Variants in CD109 observed in about 807,000 individuals in gnomAD.
CD109 encodes the protein CD109 molecule, also known as CD109 antigen.
In CD109, 149 loss-of-function variants were observed where a neutral mutation model predicts 165.8. The ratio of observed to expected loss-of-function variants is 0.90; its 90% CI spans 0.79 to 1.03. The LOEUF (loss-of-function observed/expected upper bound fraction) is 1.03, where lower values mean the gene tolerates loss of function less well. CD109 is among the 50% of genes least tolerant of loss of function. The probability of loss-of-function intolerance (pLI) is 0.00; values close to 1 mark genes in which losing one functional copy is unlikely to be tolerated. For missense variants in CD109, 1,712 were observed against 1,677.8 expected (o/e 1.02, Z -0.36); for synonymous variants, 585 against 592.1 (o/e 0.99, Z 0.18).
Position 73,781,252 on chromosome 6 carries a change from T to C in CD109, c.1903-7T>C. On this transcript the variant is annotated splice_polypyrimidine_tract_variant and splice_region_variant and intron_variant, in intron 16 of 32. Transcript: ENST00000287097. ...TTTTAAAAGAAAATAAAAATTATTC[T>C]TTTTAGGAATGTGGACTCTGGGTAT... is the stretch of plus-strand genomic sequence containing the variant. 1 of 1,608,674 alleles carries C rather than the reference T, an allele frequency of 6.2e-7. No homozygotes were observed.
At chr6:73,708,003 TA>T (rs1771360622) in intron 2 of CD109, among the ~76,000 whole-genome samples, 8 of 121,036 alleles carry the variant, frequency 6.6e-5, no homozygotes, top group African/African-American at 2.1e-4. Context: ...TATATATATA[TA>T]TATATTTATT....
chr6:73,817,772 G>A (rs1210985017), intron 30 of CD109, among the ~76,000 whole-genome samples: 1 of 152,114 alleles, frequency 6.6e-6, no homozygotes, highest in Non-Finnish European at 1.5e-5. Flanking sequence ...ACAACAGGGC[G>A]AGAGAAGGAT....
chr6:73,747,163 T>C (rs1490892772), intron 5 of CD109, among the ~76,000 whole-genome samples: 1 of 152,268 alleles, frequency 6.6e-6, no homozygotes, highest in African/African-American at 2.4e-5. Flanking sequence ...ACTTGCAGTG[T>C]TGACAGTCTC....
chr6:73,805,228 ATTC>A (rs751037830), intron 24 of CD109, among the ~76,000 whole-genome samples: 1 of 152,206 alleles, frequency 6.6e-6, no homozygotes, highest in African/African-American at 2.4e-5. Flanking sequence ...ACTAAGAAAA[ATTC>A]TTCTGCCTTG....
At chr6:73,736,091 A>G (rs779439287) in intron 4 of CD109, among the ~76,000 whole-genome samples, 6 of 152,204 alleles carry the variant, frequency 3.9e-5, no homozygotes, top group Admixed American at 6.5e-5. Flanking sequence ...TTAGAAATAT[A>G]GAGCCTACGT....
chr6:73,741,214 G>A (rs762328553), intron 5 of CD109, among the ~76,000 whole-genome samples: 1 of 151,556 alleles, frequency 6.6e-6, no homozygotes, highest in Non-Finnish European at 1.5e-5. Flanking sequence ...GGCTCTTTTT[G>A]TGCTACTTAT....
At chr6:73,764,578 G>C (rs1229007870) in intron 10 of CD109, among the ~76,000 whole-genome samples, 2 of 152,204 alleles carry the variant, frequency 1.3e-5, no homozygotes, top group Non-Finnish European at 2.9e-5. Flanking sequence ...ACTTTGGGAG[G>C]CCGAGGCAGG....
At chr6:73,695,937 G>T, upstream of CD109, 1 of 437,248 alleles carries the variant, frequency 2.3e-6, no homozygotes, top group Non-Finnish European at 4.1e-6. Flanking sequence ...CGCCGGGCCA[G>T]GTGGGGCCGC....
At chr6:73,754,691 A>G (rs1291222627) in intron 5 of CD109, among the ~76,000 whole-genome samples, 1 of 152,344 alleles carries the variant, frequency 6.6e-6, no homozygotes, top group South Asian at 2.1e-4. Flanking sequence ...ACTAGGTGCT[A>G]TAACAGGTTG....
At chr6:73,738,034 T>C (rs1772613392) in intron 5 of CD109, among the ~76,000 whole-genome samples, 1 of 152,102 alleles carries the variant, frequency 6.6e-6, no homozygotes, top group Non-Finnish European at 1.5e-5. Flanking sequence ...GGTAAACATA[T>C]GACCTCCATT....
At chr6:73,770,159 G>C (rs1380970049) in intron 14 of CD109, among the ~76,000 whole-genome samples, 1 of 152,186 alleles carries the variant, frequency 6.6e-6, no homozygotes, top group African/African-American at 2.4e-5. Flanking sequence ...CTTTCTTGAT[G>C]ATTATACTTC....
At chr6:73,751,716 A>G (rs1455887476) in intron 5 of CD109, among the ~76,000 whole-genome samples, 1 of 152,132 alleles carries the variant, frequency 6.6e-6, no homozygotes, top group East Asian at 1.9e-4. Context: ...TGCATTGTCT[A>G]TGGAAGCCCG....
chr6:73,782,666 T>C lies in CD109; in HGVS notation c.2016T>C (p.Ile672=), dbSNP rs577250001. The change falls in exon 18 of 33, where the codon ATT becomes ATC. Residue 672 remains isoleucine, a synonymous_variant. Coordinates refer to ENST00000287097, the MANE Select transcript of CD109 (RefSeq NM_133493.5). ...ERFMEENEGH[I]VDIHDFSLGS... ...TTATGGAGGAAAATGAAGGACATAT[T>C]GTAGATATTCATGACTTTTCTTTGG... 14 of 1,613,872 alleles carry C rather than the reference T, an allele frequency of 8.7e-6. No individual in the cohort carries two copies. The Admixed American group carries it at 1.5e-4, about 17-fold the overall frequency.
At chr6:73,788,759 A>G in intron 22 of CD109, 147 bp downstream of exon 22, 2 of 645,044 alleles carry the variant, frequency 3.1e-6, no homozygotes, top group Non-Finnish European at 5.2e-6. Context: ...TCATTATAAT[A>G]TGAAGGCTAG....
chr6:73,764,294 C>A (rs769458480), intron 10 of CD109, among the ~76,000 whole-genome samples: 8 of 152,146 alleles, frequency 5.3e-5, no homozygotes, highest in Non-Finnish European at 1.0e-4. Context: ...GGATTTAAAG[C>A]AGGGGTTGCC....
At chr6:73,766,916 A>G (rs1258261389) in intron 12 of CD109, 32 bp from the exon 13 acceptor site, 1 of 1,611,006 alleles carries the variant, frequency 6.2e-7, no homozygotes, top group Admixed American at 1.7e-5. Context: ...CTTGCTTTTG[A>G]TATGTACATA....
At position 73,759,775 on chromosome 6, in the gene CD109, A is replaced by G. The variant is rs138442425; in HGVS notation, c.758+747A>G. Among the ~76,000 whole-genome samples the G allele has an allele frequency of 7.6e-3, 1,156 of 152,310 alleles. 4 individuals carry two copies. The highest frequency in any genetic ancestry group is 0.014 in the Middle Eastern group (4 of 294). ...TTGCTTTTATTTAATCTTTAGCACG[A>G]TACAAGTAGAGTCAGGTTTCGAAGA... is the stretch of plus-strand genomic sequence containing the variant. On this transcript the variant is annotated intron_variant, in intron 7 of 32. Transcript: ENST00000287097.
chr6:73,820,542 A>G lies in CD109; in HGVS notation c.4141A>G (p.Ile1381Val), dbSNP rs776327565. 17 of 1,604,994 alleles carry G rather than the reference A, an allele frequency of 1.1e-5. No individual in the cohort carries two copies. In the African/African-American group the frequency reaches 1.3e-4, roughly 13 times the overall value. Residue 1381 changes from isoleucine to valine, a missense_variant, in exon 32 of 33, where the codon ATA (isoleucine) becomes GTA (valine). Ile to Val is a conservative substitution (Grantham distance 29, BLOSUM62 3). Coordinates refer to ENST00000287097, the MANE Select transcript of CD109 (RefSeq NM_133493.5). ...VSNTQDASVSIVDYYEPRRQA... is the reference protein window; with the variant it reads ...VSNTQDASVSVVDYYEPRRQA... ...AAATACCCAAGATGCTTCAGTGTCC[A>G]TAGTGGATTACTATGAGCCAAGTAA... is the stretch of plus-strand genomic sequence containing the variant.
At chr6:73,723,976 C>T (rs1348300212) in intron 3 of CD109, among the ~76,000 whole-genome samples, 1 of 152,110 alleles carries the variant, frequency 6.6e-6, no homozygotes, top group Non-Finnish European at 1.5e-5. Context: ...AACTCTGCTC[C>T]TCAGTTTCCT....
Sources: allele counts gnomAD v4.1 joint callset (sites outside exome capture counted in the v4.1 genomes callset), GRCh38; gene constraint gnomAD v4.1.1; transcripts MANE v1.5; gene names NCBI Gene and HGNC (gene_info 2026-07-23, HGNC 2026-07-21).